The following DLGAP1 variants were observed in gnomAD, a reference collection of about 807,000 sequenced individuals.
The protein encoded by DLGAP1 is DLG associated protein 1.
In DLGAP1, 11 loss-of-function variants were observed where a neutral mutation model predicts 90.8. The ratio of observed to expected loss-of-function variants is 0.12; its 90% CI spans 0.08 to 0.20. The LOEUF is 0.20. Among genes scored for constraint, DLGAP1 ranks in the 10% least tolerant of loss-of-function variants. The probability of loss-of-function intolerance (pLI) is 1.00; values close to 1 mark genes in which losing one functional copy is unlikely to be tolerated. For missense variants in DLGAP1, 1,050 were observed against 1,333.8 expected, an observed-to-expected ratio of 0.79 and a Z score of 3.31; for synonymous variants, 558 against 540.7, an observed-to-expected ratio of 1.03 and a Z score of -0.44.
chr18:3,752,162 G>A (rs561721472), intron 5 of DLGAP1, among the ~76,000 whole-genome samples: 80 of 152,214 alleles, frequency 5.3e-4, no homozygotes, highest in African/African-American at 1.9e-3. Context: ...GAGGTTACAG[G>A]TGTGAGCCAC....
chr18:4,114,558 G>C (rs574042497), intron 2 of DLGAP1, among the ~76,000 whole-genome samples: 42 of 152,204 alleles, frequency 2.8e-4, no homozygotes, highest in African/African-American at 9.4e-4. Flanking sequence ...TCAGTGAAGA[G>C]AGATAGTTTG....
rs2049716699 is a variant in DLGAP1, at chr18:3,496,989, A to G, written c.*2196T>C. 6.6e-6 allele frequency: 1 copy of G among 152,196 alleles called. No individual in the cohort carries two copies. Among genetic ancestry groups the G allele is most frequent in the Non-Finnish European group, 1.5e-5 (1 of 68,036 alleles). The allele number at this position is 152,196 out of a possible 1,614,324, so 9.4% of individuals were successfully genotyped here. On this transcript the variant is annotated 3_prime_UTR_variant, in exon 13 of 13. Transcript: ENST00000315677. The stretch of plus-strand genomic sequence containing the variant: ...AATATCATGGGCTAAATTAGTTTCC[A>G]AAGAAAATATTGTAGGATGATCTTG...
intron 2 of DLGAP1, among the ~76,000 whole-genome samples, chr18:4,061,344 G>C (rs541159731): frequency 6.6e-6 from 1 of 150,804 alleles, no homozygotes; most frequent in African/African-American, 2.4e-5. Flanking sequence ...AAAGCTGAAG[G>C]TTTGAGGAAG....
At chr18:3,631,943 C>T (rs921941024) in intron 7 of DLGAP1, among the ~76,000 whole-genome samples, 6 of 151,990 alleles carry the variant, frequency 3.9e-5, no homozygotes, top group South Asian at 4.1e-4. Context: ...GCCACCACAC[C>T]GAATTTTCTT....
intron 6 of DLGAP1, among the ~76,000 whole-genome samples, chr18:3,734,200 A>G (rs1260326772): frequency 6.6e-6 from 1 of 151,858 alleles, no homozygotes; most frequent in Non-Finnish European, 1.5e-5. Flanking sequence ...TCTGTTTTTG[A>G]TATTTGTCAA....
At chr18:3,707,215 C>T (rs922377081) in intron 7 of DLGAP1, among the ~76,000 whole-genome samples, 1 of 152,054 alleles carries the variant, frequency 6.6e-6, no homozygotes, top group African/African-American at 2.4e-5. Context: ...CCTCTACGCT[C>T]TAAGAAAAGA....
chr18:3,999,605 CA>C (rs869033515), intron 3 of DLGAP1, among the ~76,000 whole-genome samples: 2 of 140,544 alleles, frequency 1.4e-5, no homozygotes, highest in African/African-American at 2.7e-5. Context: ...TAGAAAGTAA[CA>C]AAAACAACAA....
intron 2 of DLGAP1, among the ~76,000 whole-genome samples, chr18:4,063,747 A>T (rs1207743842): frequency 1.6e-4 from 25 of 151,886 alleles, no homozygotes; most frequent in Non-Finnish European, 5.9e-5. Flanking sequence ...TTCTCTCTTA[A>T]CCTGTTGCCA....
At chr18:4,453,176 A>C (rs996313072) in intron 1 of DLGAP1, among the ~76,000 whole-genome samples, 1 of 152,178 alleles carries the variant, frequency 6.6e-6, no homozygotes, top group Non-Finnish European at 1.5e-5. Context: ...ACTAAATCTA[A>C]AGGAAATTAA....
At position 3,632,234 on chromosome 18, in the gene DLGAP1, C is replaced by T. The variant is rs1218891553; in HGVS notation, c.1592-49986G>A. On this transcript the variant is annotated intron_variant, in intron 7 of 12. Coordinates refer to ENST00000315677, the MANE Select transcript of DLGAP1 (RefSeq NM_004746.4). The stretch of plus-strand genomic sequence containing the variant: ...ATAAATCATTTGTAATTTCCTTTAG[C>T]GGTGGTCTGCAGTCTTCATTTGAGG... 2.6e-5 allele frequency among the ~76,000 whole-genome samples: 4 copies of T among 151,886 alleles called. No homozygotes were observed. The East Asian group carries it at 5.8e-4, about 22-fold the overall frequency.
At chr18:3,538,272 G>T (rs750564644) in intron 9 of DLGAP1, among the ~76,000 whole-genome samples, 40 of 150,980 alleles carry the variant, frequency 2.6e-4, no homozygotes, top group Non-Finnish European at 4.7e-4. Context: ...ATTTTACGAA[G>T]ATAAACTAGC....
intron 7 of DLGAP1, among the ~76,000 whole-genome samples, chr18:3,605,657 A>G (rs973524282): frequency 2.6e-5 from 4 of 152,206 alleles, no homozygotes; most frequent in African/African-American, 9.7e-5. Context: ...ACTTCAAGAA[A>G]GCTGTTGTGA....
chr18:3,568,588 A>G (rs1466980873), intron 8 of DLGAP1, among the ~76,000 whole-genome samples: 2 of 152,076 alleles, frequency 1.3e-5, no homozygotes, highest in Non-Finnish European at 2.9e-5. Flanking sequence ...AGAAATATAT[A>G]ATGTAGAAAG....
rs2076432305 is a variant in DLGAP1, at chr18:4,137,885, G to T, written c.-159+13295C>A. ...GGTGTTTACTGTCACTTGCAACAGG[G>T]ATTACTTTTCTGATTTCTTTTTCAG... On this transcript the variant is annotated intron_variant, in intron 2 of 12. Transcript: ENST00000315677. 2.0e-5 allele frequency among the ~76,000 whole-genome samples: 3 copies of T among 151,936 alleles called. No individual in the cohort carries two copies. In the South Asian group the frequency reaches 6.2e-4, roughly 32 times the overall value.
chr18:4,390,758 T>C (rs899262680), intron 1 of DLGAP1, among the ~76,000 whole-genome samples: 3 of 152,226 alleles, frequency 2.0e-5, no homozygotes, highest in Non-Finnish European at 2.9e-5. Context: ...GGAAGACATC[T>C]TGGTTGCCTC....
At chr18:3,832,233 C>A (rs1035361342) in intron 4 of DLGAP1, among the ~76,000 whole-genome samples, 2 of 152,242 alleles carry the variant, frequency 1.3e-5, no homozygotes, top group African/African-American at 4.8e-5. Context: ...CGCACAAGCA[C>A]ACTTCATATT....
chr18:3,690,094 G>GTGTTT (rs1555629730), intron 7 of DLGAP1, among the ~76,000 whole-genome samples: 1 of 116,880 alleles, frequency 8.6e-6, no homozygotes, highest in South Asian at 2.6e-4. Context: ...GCTGGGTGAG[G>GTGTTT]TTTTTTTTTT....
At chr18:4,082,407 A>C (rs981077734) in intron 2 of DLGAP1, among the ~76,000 whole-genome samples, 1 of 144,952 alleles carries the variant, frequency 6.9e-6, no homozygotes, top group Non-Finnish European at 1.5e-5. Flanking sequence ...GCTACTCGGG[A>C]GGCTGAGGCC....
chr18:3,714,759 C>T (rs1207716954), intron 7 of DLGAP1, among the ~76,000 whole-genome samples: 5 of 151,362 alleles, frequency 3.3e-5, no homozygotes, highest in Admixed American at 2.0e-4. Context: ...TCAGCCTCCC[C>T]GAGTAGCTGG....
Sources: gnomAD v4.1 joint callset for allele counts (sites outside exome capture counted in the v4.1 genomes callset) on GRCh38, gnomAD v4.1.1 for gene constraint, MANE v1.5 for transcripts, NCBI Gene and HGNC (gene_info 2026-07-23, HGNC 2026-07-21) for gene names.